TMEM200A: variants seen among roughly 807,000 people sequenced by gnomAD.
The protein encoded by TMEM200A is transmembrane protein 200A, also known as two transmembrane C.
TMEM200A carries 12 observed loss-of-function variants against 24.3 expected under a neutral mutation model. That is an observed-to-expected ratio of 0.49 (90% CI 0.32 to 0.80). The LOEUF is 0.80. Among genes scored for constraint, TMEM200A ranks in the 30% least tolerant of loss-of-function variants. The pLI is 0.04. For synonymous variants in TMEM200A, 224 were observed against 224.4 expected (o/e 1.00, Z 0.02); for missense variants, 545 against 614.4 (o/e 0.89, Z 1.19).
Position 130,422,400 on chromosome 6 carries a change from C to T in TMEM200A, c.-16-18007C>T, listed in dbSNP as rs189048801. Among the ~76,000 whole-genome samples, 3 of 152,214 alleles carry T rather than the reference C, an allele frequency of 2.0e-5. No individual in the cohort carries two copies. In the East Asian group the frequency reaches 5.8e-4, roughly 29 times the overall value. On this transcript the variant is annotated intron_variant, in intron 2 of 2. Coordinates refer to ENST00000296978, the MANE Select transcript of TMEM200A (RefSeq NM_001258277.2). ...TCTACTGCATCAGCCTCCTAAGCAG[C>T]TGGGACTAAAAATGCATGCCACCAC...
At chr6:130,428,519 A>T (rs1486763518) in intron 2 of TMEM200A, among the ~76,000 whole-genome samples, 1 of 152,054 alleles carries the variant, frequency 6.6e-6, no homozygotes, top group African/African-American at 2.4e-5. Context: ...CTCTGACAGC[A>T]ACTCTGAACC....
chr6:130,430,005 T>G (rs146036073), intron 2 of TMEM200A, among the ~76,000 whole-genome samples: 1 of 152,214 alleles, frequency 6.6e-6, no homozygotes, highest in Non-Finnish European at 1.5e-5. Flanking sequence ...CGACTCCCTC[T>G]TCATTTTGTA....
intron 2 of TMEM200A, among the ~76,000 whole-genome samples, chr6:130,397,074 C>G (rs1001319088): frequency 6.6e-6 from 1 of 152,130 alleles, no homozygotes; most frequent in Non-Finnish European, 1.5e-5. Flanking sequence ...TGAATTTAAT[C>G]AGATTAATAC....
At chr6:130,434,358 G>A (rs1779949558) in intron 2 of TMEM200A, among the ~76,000 whole-genome samples, 1 of 152,192 alleles carries the variant, frequency 6.6e-6, no homozygotes, top group African/African-American at 2.4e-5. Flanking sequence ...AACATTCCTG[G>A]CCTTTAGATG....
chr6:130,381,952 C>G (rs1438611498), intron 1 of TMEM200A: 2 of 985,326 alleles, frequency 2.0e-6, no homozygotes, highest in East Asian at 2.3e-4. Context: ...CCAGAACACA[C>G]TGCCATCTGG....
Position 130,401,080 on chromosome 6 carries a change from A to C in TMEM200A, c.-17+15844A>C, listed in dbSNP as rs77830518. Among the ~76,000 whole-genome samples the C allele has an allele frequency of 1.7e-3, 255 of 152,108 alleles. 1 individual carries two copies. Among genetic ancestry groups the C allele is most frequent in the Non-Finnish European group, 3.0e-3 (207 of 67,960 alleles). ...GGGAGTGGGGATGTCTCTTTTCTTC[A>C]TCAGAGCTCAGCTATGCATTAACCT... On this transcript the variant is annotated intron_variant, in intron 2 of 2. Transcript: ENST00000296978.
chr6:130,382,732 C>A (rs1778629496), intron 1 of TMEM200A, among the ~76,000 whole-genome samples: 1 of 152,052 alleles, frequency 6.6e-6, no homozygotes, highest in African/African-American at 2.4e-5. Context: ...AAAATTAGAG[C>A]CCATTTCAGC....
chr6:130,422,822 A>T (rs773877183), intron 2 of TMEM200A, among the ~76,000 whole-genome samples: 5 of 152,194 alleles, frequency 3.3e-5, no homozygotes, highest in African/African-American at 7.2e-5. Flanking sequence ...CTATTTAAAA[A>T]ACTTATATGA....
At position 130,412,792 on chromosome 6, in the gene TMEM200A, C is replaced by T. The variant is rs1779362381; in HGVS notation, c.-17+27556C>T. ...ACTTAGGAGTTACCTAATGGTTTGC[C>T]AAACACAAAACATCTGTGGTCATAT... is the stretch of plus-strand genomic sequence containing the variant. On this transcript the variant is annotated intron_variant, in intron 2 of 2. Transcript: ENST00000296978. Among the ~76,000 whole-genome samples the T allele has an allele frequency of 2.0e-5, 3 of 152,264 alleles. No homozygotes were observed. The South Asian group carries it at 6.2e-4, about 32-fold the overall frequency.
Position 130,441,146 on chromosome 6 carries a change from C to A in TMEM200A, c.724C>A (p.Leu242Ile). The A allele has an allele frequency of 6.2e-7, 1 of 1,614,038 alleles. No individual in the cohort carries two copies. The highest frequency in any genetic ancestry group is 8.5e-7 in the Non-Finnish European group (1 of 1,179,978). The change falls in exon 3 of 3, where the codon CTT becomes ATT. Residue 242 changes from leucine (L) to isoleucine (I), a missense_variant. Physicochemically the swap from Leu to Ile is conservative, Grantham distance 5 (BLOSUM62 2). Transcript: ENST00000296978. ...AAATGAAGGTAAGAGTTCTGGGCAT[C>A]TTATGCCCCCTTTGCTCTCTGACAG... ...MLNEGKSSGHLMPPLLSDSSV... is the reference protein window; with the variant it reads ...MLNEGKSSGHIMPPLLSDSSV...
Position 130,366,281 on chromosome 6 carries a change from C to T in TMEM200A, c.-324C>T. 1.0e-6 allele frequency: 1 copy of T among 985,280 alleles called. No individual in the cohort carries two copies. The highest frequency in any genetic ancestry group is 1.2e-6 in the Non-Finnish European group (1 of 829,888). 61.0% of individuals were successfully genotyped at this position (985,280 alleles called of 1,614,324 possible). On this transcript the variant is annotated 5_prime_UTR_variant, in exon 1 of 3. Transcript: ENST00000296978. This position sits in a 1 kb window ranked among gnomAD's most constrained non-coding sequence, Gnocchi z 4.4. ...TAGGGGCGCCCCCACCCTCCGTCCG[C>T]TTGCACCCCTTGCCACCCGCCCCCT... is the stretch of plus-strand genomic sequence containing the variant.
chr6:130,429,659 C>T (rs9492589), intron 2 of TMEM200A, among the ~76,000 whole-genome samples: 40,364 of 151,898 alleles, frequency 0.27, 6,582 homozygotes, highest in African/African-American at 0.46. Context: ...ATAAAATTAC[C>T]GGAAAGAAAC....
At chr6:130,372,212 G>A (rs1778336764) in intron 1 of TMEM200A, among the ~76,000 whole-genome samples, 1 of 152,182 alleles carries the variant, frequency 6.6e-6, no homozygotes, top group Non-Finnish European at 1.5e-5. Flanking sequence ...CTGAGAGATG[G>A]AAATGGGGAA....
intron 2 of TMEM200A, among the ~76,000 whole-genome samples, chr6:130,431,320 G>A (rs1047703550): frequency 5.3e-5 from 8 of 152,260 alleles, no homozygotes; most frequent in African/African-American, 1.9e-4. Context: ...ATGTTTTCCA[G>A]CAGTGGAGGG....
intron 2 of TMEM200A, among the ~76,000 whole-genome samples, chr6:130,429,297 G>A (rs1034513610): frequency 3.3e-5 from 5 of 152,066 alleles, no homozygotes; most frequent in Admixed American, 6.6e-5. Context: ...CGAGGTGGGC[G>A]GATCACCTGA....
chr6:130,430,235 G>A (rs1327222274), intron 2 of TMEM200A, among the ~76,000 whole-genome samples: 1 of 151,996 alleles, frequency 6.6e-6, no homozygotes, highest in Non-Finnish European at 1.5e-5. Flanking sequence ...TGGTAGAAGG[G>A]GGAAGGGAGC....
intron 1 of TMEM200A, among the ~76,000 whole-genome samples, chr6:130,375,649 G>A (rs955974440): frequency 1.3e-5 from 2 of 152,200 alleles, no homozygotes; most frequent in Non-Finnish European, 2.9e-5. Context: ...TGCATTTGAG[G>A]CATTTAAGCT....
Position 130,441,683 on chromosome 6 carries a change from A to C in TMEM200A, c.1261A>C (p.Arg421=). The change falls in exon 3 of 3, where the codon AGG becomes CGG. Residue 421 remains arginine, a synonymous_variant. Transcript: ENST00000296978. ...AEQRKHPSWP[R]LDRNNSKGYM... is the part of the protein sequence containing the mutation. Reference sequence around the variant, plus strand: ...ACAACGGAAACATCCAAGTTGGCCTAGGTTGGATCGGAACAACAGCAAGGG... The same window carrying C: ...ACAACGGAAACATCCAAGTTGGCCTCGGTTGGATCGGAACAACAGCAAGGG... 4 of 1,614,128 alleles carry C rather than the reference A, an allele frequency of 2.5e-6. No homozygotes were observed. The highest frequency in any genetic ancestry group is 3.4e-6 in the Non-Finnish European group (4 of 1,180,004).
intron 2 of TMEM200A, among the ~76,000 whole-genome samples, chr6:130,412,070 C>A (rs1264526219): frequency 1.3e-5 from 2 of 150,194 alleles, no homozygotes; most frequent in African/African-American, 5.0e-5. Context: ...TTTTGACATA[C>A]CCCATCATTT....
Sources: gnomAD v4.1 joint callset for allele counts (sites outside exome capture counted in the v4.1 genomes callset) on GRCh38, gnomAD v4.1.1 for gene constraint, Gnocchi (gnomAD v3.1) non-coding constraint, MANE v1.5 for transcripts, NCBI Gene and HGNC (gene_info 2026-07-23, HGNC 2026-07-21) for gene names.